Variants in KTN1 observed in about 807,000 individuals in gnomAD.
KTN1 encodes kinectin.
In KTN1, 130 loss-of-function variants were observed where a neutral mutation model predicts 222.5. The ratio of observed to expected loss-of-function variants is 0.58; its 90% CI spans 0.51 to 0.68. KTN1 has a LOEUF of 0.68. KTN1 is among the 30% of genes least tolerant of loss of function. The pLI is 0.00. For missense variants in KTN1, 1,508 were observed against 1,500.4 expected (o/e 1.01, Z -0.08); for synonymous variants, 512 against 496.3 (o/e 1.03, Z -0.42).
At chr14:55,655,374 TC>T (rs1406259639) in intron 28 of KTN1, among the ~76,000 whole-genome samples, 1 of 152,248 alleles carries the variant, frequency 6.6e-6, no homozygotes, top group Non-Finnish European at 1.5e-5. Flanking sequence ...GTCATTTTTT[TC>T]ATATAGATTT....
chr14:55,671,455 A>G (rs917085025), intron 35 of KTN1, 111 bp from the exon 36 acceptor site: 7 of 703,614 alleles, frequency 9.9e-6, no homozygotes, highest in African/African-American at 1.8e-5. Context: ...GTTTCCTTAT[A>G]AAACACTTTG....
At chr14:55,584,752 T>G (rs2032580010) in intron 1 of KTN1, among the ~76,000 whole-genome samples, 1 of 152,136 alleles carries the variant, frequency 6.6e-6, no homozygotes, top group African/African-American at 2.4e-5. Flanking sequence ...AGGGTAGGCT[T>G]TTTGTCTGTT....
intron 33 of KTN1, 90 bp from the exon 34 acceptor site, chr14:55,667,151 G>T: frequency 1.2e-6 from 1 of 806,008 alleles, no homozygotes; most frequent in South Asian, 1.7e-5. Flanking sequence ...TCTTCCCGTA[G>T]AATTATAAAA....
Position 55,648,801 on chromosome 14 carries a change from G to A in KTN1, c.2299-1G>A. ...GTTTTGCTTATGTGTCTTTGAAAAA[G>A]GCAATAAGAACAGAAAATTCATCTC... On this transcript the variant is annotated splice_acceptor_variant, in intron 20 of 43. Transcript: ENST00000395314. LOFTEE classifies it high-confidence loss of function. 1 of 1,592,806 alleles carries A rather than the reference G, an allele frequency of 6.3e-7. No homozygotes were observed. Among genetic ancestry groups the A allele is most frequent in the Non-Finnish European group, 8.6e-7 (1 of 1,162,852 alleles).
chr14:55,621,392 A>G (rs1265998856), intron 5 of KTN1, among the ~76,000 whole-genome samples: 1 of 152,140 alleles, frequency 6.6e-6, no homozygotes, highest in Non-Finnish European at 1.5e-5. Flanking sequence ...AATTTAGTGT[A>G]TTAGTCTATT....
chr14:55,603,782 C>G (rs1399048411), intron 1 of KTN1, among the ~76,000 whole-genome samples: 1 of 152,326 alleles, frequency 6.6e-6, no homozygotes, highest in South Asian at 2.1e-4. Flanking sequence ...AACCTAACTC[C>G]TTATCTCCAG....
At chr14:55,594,099 C>T (rs988122683) in intron 1 of KTN1, among the ~76,000 whole-genome samples, 2 of 152,128 alleles carry the variant, frequency 1.3e-5, no homozygotes, top group African/African-American at 2.4e-5. Context: ...CTTTTATATT[C>T]GTGCAAAAGG....
chr14:55,617,179 A>G (rs1191334488), intron 3 of KTN1, among the ~76,000 whole-genome samples: 1 of 152,218 alleles, frequency 6.6e-6, no homozygotes, highest in African/African-American at 2.4e-5. Flanking sequence ...AAATTATGAC[A>G]TATCAATTAG....
At chr14:55,640,866 T>C in intron 15 of KTN1, 67 bp from the exon 16 acceptor site, 1 of 1,278,734 alleles carries the variant, frequency 7.8e-7, no homozygotes, top group South Asian at 1.2e-5. Context: ...ATGTAAAAAT[T>C]AGTGAAAAAA....
At chr14:55,605,516 G>C (rs1157680604) in intron 1 of KTN1, among the ~76,000 whole-genome samples, 1 of 152,126 alleles carries the variant, frequency 6.6e-6, no homozygotes, top group African/African-American at 2.4e-5. Context: ...CGGGTACTCT[G>C]GGCACCACCA....
At chr14:55,673,307 T>C (rs1003735602) in intron 40 of KTN1, 52 bp downstream of exon 40, 2 of 1,193,556 alleles carry the variant, frequency 1.7e-6, no homozygotes, top group Non-Finnish European at 2.5e-6. Flanking sequence ...AAACACTTTA[T>C]TGACATGTGG....
At chr14:55,602,730 T>C (rs1371383737) in intron 1 of KTN1, among the ~76,000 whole-genome samples, 3 of 152,022 alleles carry the variant, frequency 2.0e-5, no homozygotes, top group Non-Finnish European at 4.4e-5. Flanking sequence ...TACAGGTGCA[T>C]GCCACCACGT....
At chr14:55,599,217 T>C (rs1225396526) in intron 1 of KTN1, among the ~76,000 whole-genome samples, 1 of 152,206 alleles carries the variant, frequency 6.6e-6, no homozygotes, top group East Asian at 1.9e-4. Context: ...ATTTCTTTTA[T>C]AACTCTCATG....
intron 1 of KTN1, among the ~76,000 whole-genome samples, chr14:55,597,317 A>G (rs1003664579): frequency 2.0e-5 from 3 of 152,222 alleles, no homozygotes; most frequent in Non-Finnish European, 4.4e-5. Context: ...CTTAAGGTAC[A>G]ATTTCAGAGA....
At chr14:55,639,500 T>C (rs1351499646) in intron 13 of KTN1, among the ~76,000 whole-genome samples, 1 of 151,620 alleles carries the variant, frequency 6.6e-6, no homozygotes, top group African/African-American at 2.4e-5. Context: ...GTGGAAGAGG[T>C]AATTGTTTAG....
chr14:55,668,929 C>G (rs528298905), intron 34 of KTN1: 1 of 152,154 alleles, frequency 6.6e-6, no homozygotes, highest in East Asian at 1.9e-4. Context: ...CCGATCTGAT[C>G]AGTTTAGGAG....
rs1248432028 is a variant in KTN1 at position 55,598,493 on chromosome 14, G to GGT, written c.-30-13525_-30-13524dup. On this transcript the variant is annotated intron_variant, in intron 1 of 43. Transcript: ENST00000395314. The stretch of plus-strand genomic sequence containing the variant: ...ATCAGTCATACTCTGGTTGGAAAGA[G>GGT]GTACTGTTCATTAAAAAAAAAAATT... Among the ~76,000 whole-genome samples the GGT allele has an allele frequency of 2.1e-5, 3 of 142,108 alleles. No homozygotes were observed. The East Asian group carries it at 6.3e-4, about 30-fold the overall frequency. The allele number at this position is 142,108 out of a possible 152,430, so 93.2% of individuals were successfully genotyped here.
chr14:55,646,495 C>CT (rs1344321212), intron 18 of KTN1, among the ~76,000 whole-genome samples: 19 of 100,106 alleles, frequency 1.9e-4, no homozygotes, highest in African/African-American at 8.2e-4. Flanking sequence ...CTTTCCTTTC[C>CT]TTTCCTTTCC....
chr14:55,679,985 A>G (rs1403862956), intron 43 of KTN1: 1 of 310,676 alleles, frequency 3.2e-6, no homozygotes, highest in Non-Finnish European at 5.9e-6. Context: ...CGGCTTCGTT[A>G]ATTTATTCTG....
Sources: gnomAD v4.1 joint callset for allele counts (sites outside exome capture counted in the v4.1 genomes callset) on GRCh38, gnomAD v4.1.1 for gene constraint, MANE v1.5 for transcripts, NCBI Gene and HGNC (gene_info 2026-07-23, HGNC 2026-07-21) for gene names.